Variants in AK7 observed in about 807,000 individuals in gnomAD.
The protein encoded by AK7 is adenylate kinase 7.
A neutral mutation model predicts 96.6 loss-of-function variants in AK7; 78 were observed. The ratio of observed to expected loss-of-function variants is 0.81; its 90% CI spans 0.67 to 0.97. The LOEUF (loss-of-function observed/expected upper bound fraction) is 0.97, where lower values mean the gene tolerates loss of function less well. Among genes scored for constraint, AK7 ranks in the 50% least tolerant of loss-of-function variants. AK7 has a pLI of 0.00. For missense variants in AK7, 855 were observed against 887.9 expected (o/e 0.96, Z 0.47); for synonymous variants, 302 against 317.2 (o/e 0.95, Z 0.51).
At chr14:96,429,877 T>C (rs938831722) in intron 5 of AK7, among the ~76,000 whole-genome samples, 1 of 152,068 alleles carries the variant, frequency 6.6e-6, no homozygotes, top group Admixed American at 6.6e-5. Flanking sequence ...GACAATGGGG[T>C]TTTCTAAATA....
chr14:96,456,238 CAAAAAAAAAA>C, intron 10 of AK7, 99 bp from the exon 11 acceptor site: 19 of 396,470 alleles, frequency 4.8e-5, no homozygotes, highest in South Asian at 6.3e-5. Flanking sequence ...GACTCTGTCT[CAAAAAAAAAA>C]AAAAAAAAAA....
intron 5 of AK7, among the ~76,000 whole-genome samples, chr14:96,436,879 C>T (rs1892666873): frequency 6.6e-6 from 1 of 152,070 alleles, no homozygotes; most frequent in Admixed American, 6.6e-5. Context: ...TGGAGGAGTC[C>T]CTCGCTGTCC....
intron 5 of AK7, chr14:96,424,095 G>T: frequency 1.5e-6 from 1 of 678,806 alleles, no homozygotes; most frequent in East Asian, 3.0e-5. Context: ...GGGTGGGATC[G>T]GGCACGGTGC....
chr14:96,449,886 A>G lies in AK7; in HGVS notation c.948+7A>G. ...CCTAACCAAGGACTTAACGGTTAGT[A>G]TATGCGGTGTTTTTTTTTTTTTAAC... is the stretch of plus-strand genomic sequence containing the variant. On this transcript the variant is annotated splice_region_variant and intron_variant, in intron 9 of 17. Coordinates refer to ENST00000267584, the MANE Select transcript of AK7 (RefSeq NM_152327.5). 3 of 1,492,118 alleles carry G rather than the reference A, an allele frequency of 2.0e-6. No individual in the cohort carries two copies. The highest frequency in any genetic ancestry group is 1.2e-5 in the South Asian group (1 of 81,694). The allele number at this position is 1,492,118 out of a possible 1,614,324, so 92.4% of individuals were successfully genotyped here.
intron 4 of AK7, among the ~76,000 whole-genome samples, chr14:96,412,660 G>A (rs1158838572): frequency 6.6e-6 from 1 of 151,478 alleles, no homozygotes; most frequent in South Asian, 2.1e-4. Flanking sequence ...CCACCTCCCA[G>A]GTTCAAGTGA....
intron 15 of AK7, among the ~76,000 whole-genome samples, chr14:96,481,928 C>A (rs117827350): frequency 0.12 from 17,843 of 151,954 alleles, 1,132 homozygotes; most frequent in South Asian, 0.18. Flanking sequence ...TGGTCTTGAA[C>A]TCCTGACCTC....
chr14:96,454,165 G>A (rs996041547), intron 10 of AK7, among the ~76,000 whole-genome samples: 7 of 152,214 alleles, frequency 4.6e-5, no homozygotes, highest in Admixed American at 3.9e-4. Context: ...CCTGTCAAAT[G>A]GTAGTAATGA....
At chr14:96,480,752 G>A (rs1475680015) in intron 15 of AK7, among the ~76,000 whole-genome samples, 2 of 152,196 alleles carry the variant, frequency 1.3e-5, no homozygotes, top group Admixed American at 6.5e-5. Context: ...AGGGAGGAAT[G>A]AATGAGTGGC....
chr14:96,420,885 C>G lies in AK7; in HGVS notation c.562C>G (p.Leu188Val), dbSNP rs995464021. 3.1e-6 allele frequency: 5 copies of G among 1,613,656 alleles called. No individual in the cohort carries two copies. The highest frequency in any genetic ancestry group is 4.2e-6 in the Non-Finnish European group (5 of 1,179,666). Residue 188 changes from leucine to valine, a missense_variant, in exon 5 of 18, where the codon CTG (leucine) becomes GTG (valine). Transcript: ENST00000267584. ...AAGAAGAAAGTCTCATCCTAATTTT[C>G]TGGACCACATAAATGCTGAAAAAAT... is the stretch of plus-strand genomic sequence containing the variant. Reference protein sequence around the residue: ...YRRRKSHPNFLDHINAEKMVL... With the variant: ...YRRRKSHPNFVDHINAEKMVL...
rs761951640 is a variant in AK7 at position 96,479,541 on chromosome 14, C to T, written c.1753+879C>T. Among the ~76,000 whole-genome samples the T allele has an allele frequency of 7.2e-5, 11 of 152,168 alleles. No individual in the cohort carries two copies. The East Asian group carries it at 1.7e-3, about 24-fold the overall frequency. ...GCCTTCTGACTGGCCAGCCCATCCCCGTAGCTACCCAGAAGAGCAAATAGC... is the reference window on the plus strand; with the variant it reads ...GCCTTCTGACTGGCCAGCCCATCCCTGTAGCTACCCAGAAGAGCAAATAGC... On this transcript the variant is annotated intron_variant, in intron 15 of 17. Transcript: ENST00000267584.
chr14:96,447,855 A>G (rs1431431179), intron 8 of AK7, among the ~76,000 whole-genome samples: 1 of 152,154 alleles, frequency 6.6e-6, no homozygotes, highest in Non-Finnish European at 1.5e-5. Context: ...AGCAGCTACC[A>G]TGCGGCCCAG....
chr14:96,455,441 C>T (rs573068699), intron 10 of AK7, among the ~76,000 whole-genome samples: 3 of 152,066 alleles, frequency 2.0e-5, no homozygotes, highest in South Asian at 2.1e-4. Context: ...TCTGTGATTG[C>T]ACCACTACAC....
At chr14:96,408,820 T>C (rs377044360) in intron 3 of AK7, 27 bp from the exon 4 acceptor site, 1 of 1,610,858 alleles carries the variant, frequency 6.2e-7, no homozygotes, top group South Asian at 1.1e-5. Context: ...TGGGTCCAAA[T>C]AACCACTCTG....
intron 2 of AK7, chr14:96,398,976 C>CTT (rs3832934): frequency 4.1e-5 from 6 of 147,276 alleles, no homozygotes; most frequent in East Asian, 2.0e-4. Context: ...GGCCTTCTCT[C>CTT]TTTTTTTTTT....
At chr14:96,470,785 A>G (rs1275371523) in intron 12 of AK7, among the ~76,000 whole-genome samples, 1 of 152,216 alleles carries the variant, frequency 6.6e-6, no homozygotes, top group African/African-American at 2.4e-5. Context: ...CTATCTCACA[A>G]TTCTCACAAC....
In AK7 at chr14:96,471,562, A is replaced by G. The variant is rs1277268779; in HGVS notation, c.1442A>G (p.Asp481Gly). Reference protein sequence around the residue: ...MPCRNQGYILDGFPKTYDQAK... With the variant: ...MPCRNQGYILGGFPKTYDQAK... ...TGCAGGAATCAAGGTTATATTTTGG[A>G]TGGATTCCCAAAGACCTATGATCAA... The change falls in exon 13 of 18, where the codon GAT (aspartate) becomes GGT (glycine). Residue 481 changes from aspartate (D) to glycine (G), a missense_variant. Physicochemically the swap from Asp to Gly is moderately conservative, Grantham distance 94. Transcript: ENST00000267584. 3.1e-6 allele frequency: 5 copies of G among 1,600,002 alleles called. No homozygotes were observed. Among genetic ancestry groups the G allele is most frequent in the Non-Finnish European group, 4.3e-6 (5 of 1,174,300 alleles).
Position 96,404,952 on chromosome 14 carries a change from AG to A in AK7, c.403+88del, listed in dbSNP as rs1890624462. 5 of 874,612 alleles carry A rather than the reference AG, an allele frequency of 5.7e-6. No homozygotes were observed. The Admixed American group carries it at 1.2e-4, about 21-fold the overall frequency. 54.2% of individuals were successfully genotyped at this position (874,612 alleles called of 1,614,324 possible). ...ATAGTCATCTAGGAACACTAGACAAAGTAGGGCTATAGAAAAACTGGTCTGA... is the reference window on the plus strand; with the variant it reads ...ATAGTCATCTAGGAACACTAGACAAATAGGGCTATAGAAAAACTGGTCTGA... On this transcript the variant is annotated intron_variant, in intron 3 of 17. Transcript: ENST00000267584.
In AK7 at chr14:96,408,839, C is replaced by T. The variant is rs371091462; in HGVS notation, c.404-8C>T. 24 of 1,612,996 alleles carry T rather than the reference C, an allele frequency of 1.5e-5. No homozygotes were observed. The African/African-American group carries it at 2.9e-4, about 20-fold the overall frequency. On this transcript the variant is annotated splice_region_variant and splice_polypyrimidine_tract_variant and intron_variant, in intron 3 of 17. Coordinates refer to ENST00000267584, the MANE Select transcript of AK7 (RefSeq NM_152327.5). ...TCCAAATAACCACTCTGCTTTTTGG[C>T]CCCACAGCACTCAGTGAAGAAGTCA...
chr14:96,449,725 C>A, intron 8 of AK7, 77 bp from the exon 9 acceptor site: 3 of 1,102,548 alleles, frequency 2.7e-6, no homozygotes, highest in Non-Finnish European at 4.1e-6. Flanking sequence ...TGAGCCACTG[C>A]GCCTGGCCCA....
Sources: allele counts gnomAD v4.1 joint callset (sites outside exome capture counted in the v4.1 genomes callset), GRCh38; gene constraint gnomAD v4.1.1; transcripts MANE v1.5; gene names NCBI Gene and HGNC (gene_info 2026-07-23, HGNC 2026-07-21).